LRRC4C: variants seen among roughly 807,000 people sequenced by gnomAD.
The protein encoded by LRRC4C is leucine-rich repeat-containing protein 4C.
Under a neutral mutation model 33.6 loss-of-function variants are expected in LRRC4C, and 5 were observed. The observed-to-expected ratio is 0.15, with a 90% confidence interval of 0.08 to 0.31. LRRC4C has a LOEUF of 0.31. Among genes scored for constraint, LRRC4C ranks in the 10% least tolerant of loss-of-function variants. LRRC4C has a pLI of 1.00. For missense variants in LRRC4C, 560 were observed against 796.7 expected, an observed-to-expected ratio of 0.70 and a Z score of 3.58; for synonymous variants, 329 against 302.0, an observed-to-expected ratio of 1.09 and a Z score of -0.93.
intron 1 of LRRC4C, among the ~76,000 whole-genome samples, chr11:41,166,642 G>T (rs1944741156): frequency 6.6e-6 from 1 of 151,932 alleles, no homozygotes; most frequent in Non-Finnish European, 1.5e-5. Context: ...AAATCCTGAG[G>T]GCAGATATGA....
intron 1 of LRRC4C, among the ~76,000 whole-genome samples, chr11:41,282,916 C>G (rs886157189): frequency 1.3e-5 from 2 of 151,984 alleles, no homozygotes; most frequent in African/African-American, 4.8e-5. Flanking sequence ...ATTCTTTTAT[C>G]AAAACAGGCT....
rs139773407 is a variant in LRRC4C, at chr11:40,650,257, T to C, written c.-406-1979A>G. 1.4e-3 allele frequency among the ~76,000 whole-genome samples: 212 copies of C among 152,258 alleles called. 1 individual carries two copies. Among genetic ancestry groups the C allele is most frequent in the East Asian group, 9.5e-3 (49 of 5,174 alleles). ...GACCAAAGCAAAATGGAGCCACTCA[T>C]GTTAAGTGTCATGAAGACGAAGTGA... On this transcript the variant is annotated intron_variant, in intron 2 of 6. Transcript: ENST00000528697.
intron 4 of LRRC4C, chr11:40,241,809 A>G (rs2136099243): frequency 6.6e-6 from 1 of 152,342 alleles, no homozygotes. Flanking sequence ...TTAGAACCAC[A>G]TAGGTTGCTA....
At chr11:40,920,684 G>C (rs1313581762) in intron 2 of LRRC4C, among the ~76,000 whole-genome samples, 1 of 152,020 alleles carries the variant, frequency 6.6e-6, no homozygotes, top group East Asian at 1.9e-4. Context: ...ATTTATCTCA[G>C]AGCAGCCCAA....
At chr11:40,454,513 A>G (rs1289327018) in intron 3 of LRRC4C, among the ~76,000 whole-genome samples, 1 of 152,140 alleles carries the variant, frequency 6.6e-6, no homozygotes, top group Non-Finnish European at 1.5e-5. Flanking sequence ...TATGGCACAA[A>G]GGGAGATTTA....
intron 2 of LRRC4C, among the ~76,000 whole-genome samples, chr11:40,780,575 T>A (rs1950173380): frequency 6.6e-6 from 1 of 152,102 alleles, no homozygotes; most frequent in South Asian, 2.1e-4. Flanking sequence ...TAATGATGAA[T>A]GACATAGAGG....
rs143122749 is a variant in LRRC4C at position 40,351,942 on chromosome 11, T to A, written c.-269-32221A>T. Among the ~76,000 whole-genome samples the A allele has an allele frequency of 7.2e-5, 11 of 152,204 alleles. No homozygotes were observed. The East Asian group carries it at 2.1e-3, about 29-fold the overall frequency. ...GATGTTACAGGTGAAGTGTGTTTCT[T>A]GTAGGTAACAAATATTTTAAAATTA... On this transcript the variant is annotated intron_variant, in intron 3 of 6. Coordinates refer to ENST00000528697, the MANE Select transcript of LRRC4C (RefSeq NM_001258419.2).
At chr11:40,523,049 G>A (rs182779996) in intron 3 of LRRC4C, among the ~76,000 whole-genome samples, 14 of 152,132 alleles carry the variant, frequency 9.2e-5, no homozygotes, top group East Asian at 5.8e-4. Flanking sequence ...AATTATTTTC[G>A]TTGCATACTT....
At chr11:41,023,627 A>G (rs890121189) in intron 1 of LRRC4C, among the ~76,000 whole-genome samples, 2 of 151,928 alleles carry the variant, frequency 1.3e-5, no homozygotes, top group South Asian at 2.1e-4. Context: ...GAGAGCCAGG[A>G]GAATATATTA....
At chr11:40,285,679 A>G (rs2136500673) in intron 4 of LRRC4C, among the ~76,000 whole-genome samples, 1 of 152,322 alleles carries the variant, frequency 6.6e-6, no homozygotes, top group Admixed American at 6.5e-5. Context: ...TACGGAAGGT[A>G]TATGTGACCT....
chr11:41,187,156 G>A (rs1236708137), intron 1 of LRRC4C, among the ~76,000 whole-genome samples: 2 of 152,194 alleles, frequency 1.3e-5, no homozygotes, highest in Admixed American at 6.5e-5. Flanking sequence ...CCTGGATAGG[G>A]CTCCAATCCC....
At chr11:40,270,297 G>A (rs1942594275) in intron 4 of LRRC4C, among the ~76,000 whole-genome samples, 1 of 152,088 alleles carries the variant, frequency 6.6e-6, no homozygotes, top group South Asian at 2.1e-4. Context: ...AGATTAAGGT[G>A]TCGGCAGGTT....
rs569832881 is a variant in LRRC4C at position 41,071,643 on chromosome 11, C to A, written c.-495-137920G>T. Among the ~76,000 whole-genome samples, 107 of 152,278 alleles carry A rather than the reference C, an allele frequency of 7.0e-4. No homozygotes were observed. The South Asian group carries it at 0.011, about 15-fold the overall frequency. ...ATACAAGGAGATTAATGTTTTCATG[C>A]CTGCTAACAGTATTCATTCTTCAGC... On this transcript the variant is annotated intron_variant, in intron 1 of 6. Transcript: ENST00000528697.
chr11:40,996,379 T>A (rs550721563), intron 1 of LRRC4C, among the ~76,000 whole-genome samples: 1 of 152,000 alleles, frequency 6.6e-6, no homozygotes, highest in African/African-American at 2.4e-5. Flanking sequence ...ATAAAACTAA[T>A]GAGAAAAAAA....
intron 1 of LRRC4C, among the ~76,000 whole-genome samples, chr11:41,094,728 G>A (rs970584579): frequency 9.2e-5 from 14 of 151,896 alleles, no homozygotes; most frequent in Admixed American, 7.9e-4. Flanking sequence ...CCCTATACAA[G>A]ATCAAAGCAT....
chr11:40,783,006 G>C (rs935674229), intron 2 of LRRC4C, among the ~76,000 whole-genome samples: 3 of 151,952 alleles, frequency 2.0e-5, no homozygotes, highest in African/African-American at 7.3e-5. Context: ...ATTATTTTTA[G>C]ACATAAATAC....
chr11:40,488,983 G>A (rs1306842542), intron 3 of LRRC4C, among the ~76,000 whole-genome samples: 1 of 152,112 alleles, frequency 6.6e-6, no homozygotes, highest in East Asian at 1.9e-4. Context: ...GGCTCAGACA[G>A]AGCTGGGATA....
chr11:40,894,239 C>T (rs1044882154), intron 2 of LRRC4C, among the ~76,000 whole-genome samples: 3 of 152,102 alleles, frequency 2.0e-5, no homozygotes, highest in Admixed American at 6.6e-5. Context: ...CTCTAAAATG[C>T]TTTGGTAATT....
At chr11:40,695,616 C>A (rs548478785) in intron 2 of LRRC4C, among the ~76,000 whole-genome samples, 1 of 152,116 alleles carries the variant, frequency 6.6e-6, no homozygotes, top group Non-Finnish European at 1.5e-5. Flanking sequence ...ACGATGGCAG[C>A]ACCAGCTGTT....
Sources: allele counts gnomAD v4.1 joint callset (sites outside exome capture counted in the v4.1 genomes callset), GRCh38; gene constraint gnomAD v4.1.1; transcripts MANE v1.5; gene names NCBI Gene and HGNC (gene_info 2026-07-23, HGNC 2026-07-21).